The following COPG2 variants were observed in gnomAD, a reference collection of about 807,000 sequenced individuals.
COPG2 encodes the protein coatomer subunit gamma-2.
Under a neutral mutation model 46.3 loss-of-function variants are expected in COPG2, and 37 were observed. The ratio of observed to expected loss-of-function variants is 0.80; its 90% confidence interval spans 0.61 to 1.05. COPG2 has a LOEUF of 1.05. Ranked by LOEUF, COPG2 falls within the 50% of genes least tolerant of loss-of-function variation. COPG2 has a pLI of 0.00. For synonymous variants in COPG2, 159 were observed against 129.7 expected (o/e 1.23, Z -1.53); for missense variants, 427 against 387.8 (o/e 1.10, Z -0.85).
At chr7:130,559,190 T>G (rs1478605596) in intron 12 of COPG2, among the ~76,000 whole-genome samples, 2 of 151,922 alleles carry the variant, frequency 1.3e-5, no homozygotes, top group African/African-American at 4.8e-5. Context: ...TACAAAAAAA[T>G]TAAGGAAACA....
At chr7:130,579,370 A>G (rs782693043) in intron 9 of COPG2, among the ~76,000 whole-genome samples, 62,405 of 148,756 alleles carry the variant, frequency 0.42, 15,866 homozygotes, top group East Asian at 0.59. Context: ...GAAAGGAACA[A>G]CCGGTACCAG....
intron 5 of COPG2, chr7:130,645,461 G>C (rs1795577886): frequency 3.5e-5 from 12 of 343,032 alleles, no homozygotes; most frequent in South Asian, 3.0e-4. Flanking sequence ...TCTCCAACCG[G>C]ACCACTGCCT....
intron 20 of COPG2, among the ~76,000 whole-genome samples, chr7:130,537,556 C>T (rs978855484): frequency 6.7e-4 from 101 of 150,690 alleles, no homozygotes; most frequent in African/African-American, 2.4e-3. Flanking sequence ...GAGCTGGGAG[C>T]TGGGAGAGCA....
intron 5 of COPG2, among the ~76,000 whole-genome samples, chr7:130,640,645 A>G (rs550381327): frequency 1.3e-5 from 2 of 152,316 alleles, no homozygotes; most frequent in South Asian, 2.1e-4. Flanking sequence ...TTAAAATAAA[A>G]TAAGTGTTAA....
intron 13 of COPG2, 117 bp downstream of exon 13, chr7:130,554,920 G>T: frequency 2.5e-6 from 1 of 397,578 alleles, no homozygotes; most frequent in South Asian, 1.4e-4. Context: ...CAGACTTAGT[G>T]TACTACTTGA....
intron 9 of COPG2, among the ~76,000 whole-genome samples, chr7:130,578,473 C>A (rs1323631298): frequency 2.6e-5 from 4 of 151,856 alleles, no homozygotes; most frequent in African/African-American, 9.7e-5. Flanking sequence ...AGTTCCTCAC[C>A]AGCAACGGAA....
chr7:130,508,681 C>G (rs1401375775), intron 20 of COPG2, 22 bp from the exon 21 acceptor site: 1 of 743,856 alleles, frequency 1.3e-6, no homozygotes, highest in East Asian at 2.5e-5. Context: ...GGGAGGCAAA[C>G]CTGCATCAGT....
chr7:130,645,117 G>A, intron 5 of COPG2: 2 of 412,068 alleles, frequency 4.9e-6, no homozygotes, highest in Non-Finnish European at 4.7e-6. Flanking sequence ...CATTTTTTCA[G>A]GTGACTGGAA....
chr7:130,550,236 T>A (rs1793515364), intron 17 of COPG2, among the ~76,000 whole-genome samples: 1 of 151,508 alleles, frequency 6.6e-6, no homozygotes, highest in African/African-American at 2.4e-5. Context: ...CATGGTGAAA[T>A]CCAGTCTCTA....
At chr7:130,578,498 G>A (rs1404271271) in intron 9 of COPG2, among the ~76,000 whole-genome samples, 1 of 151,882 alleles carries the variant, frequency 6.6e-6, no homozygotes, top group African/African-American at 2.4e-5. Context: ...GCTGGATGGA[G>A]AATGACTTTG....
intron 20 of COPG2, among the ~76,000 whole-genome samples, chr7:130,513,554 T>C (rs952834453): frequency 2.0e-5 from 3 of 151,262 alleles, no homozygotes; most frequent in African/African-American, 7.3e-5. Flanking sequence ...AAAGAGTAAG[T>C]AGATAAATAA....
intron 20 of COPG2, among the ~76,000 whole-genome samples, chr7:130,532,861 C>T (rs1385498166): frequency 6.6e-6 from 1 of 152,024 alleles, no homozygotes; most frequent in Non-Finnish European, 1.5e-5. Flanking sequence ...GGGGCCTGGT[C>T]AAGAAAGGAG....
intron 20 of COPG2, among the ~76,000 whole-genome samples, chr7:130,536,429 C>T (rs979912700): frequency 7.2e-5 from 11 of 152,032 alleles, no homozygotes; most frequent in East Asian, 1.9e-4. Flanking sequence ...GCAGGCCTAT[C>T]CAATCATCAG....
intron 9 of COPG2, among the ~76,000 whole-genome samples, chr7:130,601,971 T>C (rs1242375996): frequency 1.2e-4 from 19 of 152,112 alleles, no homozygotes; most frequent in Non-Finnish European, 1.5e-5. Context: ...AACTGAGGCT[T>C]GTCAACAACT....
chr7:130,649,306 C>T (rs1252873438), intron 5 of COPG2, among the ~76,000 whole-genome samples: 2 of 152,200 alleles, frequency 1.3e-5, no homozygotes, highest in Middle Eastern at 3.2e-3. Flanking sequence ...CCCTTAGCCA[C>T]TTGGGTAGAC....
At chr7:130,513,337 ATATATG>A (rs1436393220) in intron 20 of COPG2, among the ~76,000 whole-genome samples, 3 of 76,610 alleles carry the variant, frequency 3.9e-5, no homozygotes, top group Admixed American at 3.0e-4. Flanking sequence ...ATATATATAT[ATATATG>A]TGTGTGTGTG....
At chr7:130,603,130 T>A (rs919122560) in intron 9 of COPG2, among the ~76,000 whole-genome samples, 3 of 152,190 alleles carry the variant, frequency 2.0e-5, no homozygotes. Context: ...GTGTTACACA[T>A]GACAGTATGA....
Position 130,511,627 on chromosome 7 carries a change from A to G in COPG2, c.2150-2968T>C, listed in dbSNP as rs554772544. The G allele has an allele frequency of 1.1e-4, 57 of 517,824 alleles. 2 individuals are homozygous for G. The highest frequency in any genetic ancestry group is 8.0e-4 in the South Asian group (57 of 70,976). The allele number at this position is 517,824 out of a possible 1,614,324, so 32.1% of individuals were successfully genotyped here. On this transcript the variant is annotated intron_variant, in intron 20 of 23. Transcript: ENST00000425248. ...ACACACATCAACAGGAAGGTAAGAC[A>G]GCATTGCTGGGCCAAAAGTCATAAG...
intron 20 of COPG2, among the ~76,000 whole-genome samples, chr7:130,514,839 G>T (rs1799665861): frequency 6.6e-6 from 1 of 152,218 alleles, no homozygotes; most frequent in Admixed American, 6.5e-5. Flanking sequence ...AAAGACCACA[G>T]CGCCATAAAG....
Sources: gnomAD v4.1 joint callset for allele counts (sites outside exome capture counted in the v4.1 genomes callset) on GRCh38, gnomAD v4.1.1 for gene constraint, MANE v1.5 for transcripts, NCBI Gene and HGNC (gene_info 2026-07-23, HGNC 2026-07-21) for gene names.